The following POFUT3 variants were observed in gnomAD, a reference collection of about 807,000 sequenced individuals.
POFUT3 encodes GDP-fucose protein O-fucosyltransferase 3.
the POFUT3 span, chr8:33,436,137 AG>A: frequency 8.2e-7 from 1 of 1,218,468 alleles, no homozygotes; most frequent in Non-Finnish European, 1.1e-6. Context: ...AAGGAAGAGA[AG>A]GTCTCAACTT....
chr8:33,430,640 C>G, the POFUT3 span, among the ~76,000 whole-genome samples: 1 of 152,032 alleles, frequency 6.6e-6, no homozygotes, highest in South Asian at 2.1e-4. Flanking sequence ...CTCTTATTGC[C>G]CAGACTGGAG....
At chr8:33,435,880 G>T in the POFUT3 span, among the ~76,000 whole-genome samples, 3 of 150,978 alleles carry the variant, frequency 2.0e-5, no homozygotes, top group Non-Finnish European at 4.4e-5. Flanking sequence ...TTATCTCACC[G>T]GAGAGAAAAA....
the POFUT3 span, among the ~76,000 whole-genome samples, chr8:33,338,466 A>G: frequency 3.3e-5 from 5 of 152,236 alleles, no homozygotes; most frequent in African/African-American, 1.2e-4. Context: ...GCCACTTGCC[A>G]TTGGCTAGTA....
the POFUT3 span, among the ~76,000 whole-genome samples, chr8:33,417,591 T>A: frequency 0.27 from 41,242 of 151,358 alleles, 5,945 homozygotes; most frequent in South Asian, 0.44. Flanking sequence ...ATAAAATAAA[T>A]CCTTAGGATA....
At chr8:33,336,244 G>T in the POFUT3 span, among the ~76,000 whole-genome samples, 1 of 152,062 alleles carries the variant, frequency 6.6e-6, no homozygotes, top group African/African-American at 2.4e-5. Context: ...CTCCCATCAT[G>T]ACTGGCTTCA....
chr8:33,329,022 A>C, the POFUT3 span, among the ~76,000 whole-genome samples: 4 of 152,230 alleles, frequency 2.6e-5, no homozygotes, highest in African/African-American at 9.6e-5. Flanking sequence ...TGCCTAGTGA[A>C]TCTATCGGAC....
At chr8:33,356,635 G>A in the POFUT3 span, among the ~76,000 whole-genome samples, 34 of 152,196 alleles carry the variant, frequency 2.2e-4, no homozygotes, top group Non-Finnish European at 4.6e-4. Flanking sequence ...TGTTCACTCT[G>A]ATGGTAGTTT....
the POFUT3 span, among the ~76,000 whole-genome samples, chr8:33,319,365 T>C: frequency 6.2e-5 from 1 of 16,070 alleles, no homozygotes; most frequent in Non-Finnish European, 9.1e-5. Context: ...ATATTTTATA[T>C]ATATGTATAT....
chr8:33,436,165 G>A, the POFUT3 span: 6 of 1,225,020 alleles, frequency 4.9e-6, no homozygotes, highest in Non-Finnish European at 6.6e-6. Context: ...GTAAATTAAG[G>A]TCCACGGTTC....
At chr8:33,391,761 A>G in the POFUT3 span, among the ~76,000 whole-genome samples, 2 of 152,160 alleles carry the variant, frequency 1.3e-5, no homozygotes, top group South Asian at 2.1e-4. Flanking sequence ...AAGGTGTGAG[A>G]TGAGAGATTA....
the POFUT3 span, among the ~76,000 whole-genome samples, chr8:33,414,967 A>G: frequency 1.3e-5 from 2 of 151,704 alleles, no homozygotes; most frequent in East Asian, 3.9e-4. Flanking sequence ...CCATAAAGAA[A>G]AAAAAAAAAA....
At chr8:33,399,570 G>A in the POFUT3 span, among the ~76,000 whole-genome samples, 4 of 152,132 alleles carry the variant, frequency 2.6e-5, no homozygotes, top group Admixed American at 2.6e-4. Context: ...AAAAAATCAT[G>A]AAATACTAAT....
At chr8:33,342,845 C>T in the POFUT3 span, among the ~76,000 whole-genome samples, 1 of 152,158 alleles carries the variant, frequency 6.6e-6, no homozygotes, top group Non-Finnish European at 1.5e-5. Context: ...GTGGCTCACA[C>T]CTGTAAAGCC....
At chr8:33,337,364 G>C in the POFUT3 span, among the ~76,000 whole-genome samples, 1 of 152,136 alleles carries the variant, frequency 6.6e-6, no homozygotes, top group Non-Finnish European at 1.5e-5. Flanking sequence ...GAAAAGTACA[G>C]CTTTTTATCC....
the POFUT3 span, among the ~76,000 whole-genome samples, chr8:33,410,737 T>G: frequency 6.6e-6 from 1 of 152,038 alleles, no homozygotes; most frequent in East Asian, 1.9e-4. Context: ...TATTTCCCGG[T>G]TGGGAAATGG....
chr8:33,436,700 TC>T, the POFUT3 span: 1 of 769,574 alleles, frequency 1.3e-6, no homozygotes, highest in East Asian at 2.7e-5. Context: ...AGCTTCACCA[TC>T]CTGACCACAG....
the POFUT3 span, chr8:33,455,787 T>C: frequency 4.4e-6 from 2 of 456,202 alleles, no homozygotes; most frequent in Non-Finnish European, 8.8e-6. Flanking sequence ...ATGTGCTCGC[T>C]GCTCCTGGTG....
the POFUT3 span, among the ~76,000 whole-genome samples, chr8:33,367,271 A>G: frequency 1.7e-4 from 26 of 152,214 alleles, no homozygotes; most frequent in Non-Finnish European, 2.8e-4. Context: ...CGCCCAGGGC[A>G]GAAAACCGCT....
chr8:33,470,001 G>A, the POFUT3 span, among the ~76,000 whole-genome samples: 1 of 151,328 alleles, frequency 6.6e-6, no homozygotes, highest in Non-Finnish European at 1.5e-5. Context: ...CACGATGTTG[G>A]TCAGAATGGT....
Sources: gnomAD v4.1 joint callset for allele counts (sites outside exome capture counted in the v4.1 genomes callset) on GRCh38, gnomAD v4.1.1 for gene constraint, MANE v1.5 for transcripts, NCBI Gene and HGNC (gene_info 2026-07-23, HGNC 2026-07-21) for gene names.